The following TBC1D8B variants were observed in gnomAD, a reference collection of about 807,000 sequenced individuals.
TBC1D8B encodes RP11-321G1.1.
A neutral mutation model predicts 82.9 loss-of-function variants in TBC1D8B; 75 were observed. The observed-to-expected ratio is 0.90, with a 90% CI of 0.75 to 1.10. The LOEUF (loss-of-function observed/expected upper bound fraction) is 1.10. Among genes scored for constraint, TBC1D8B ranks in the 50% least tolerant of loss-of-function variants. The probability of loss-of-function intolerance (pLI) is 0.00; values close to 1 mark genes in which losing one functional copy is unlikely to be tolerated. For synonymous variants in TBC1D8B, 276 were observed against 276.8 expected, an observed-to-expected ratio of 1.00 and a Z score of 0.03; for missense variants, 794 against 796.9, an observed-to-expected ratio of 1.00 and a Z score of 0.04.
intron 8 of TBC1D8B, 126 bp from the exon 9 acceptor site, chrX:106,839,922 T>G: frequency 1.5e-6 from 1 of 654,451 alleles, no homozygotes; most frequent in Non-Finnish European, 2.2e-6. Context: ...GGGTGAATAC[T>G]GATTTTGGTT....
intron 6 of TBC1D8B, 152 bp downstream of exon 6, chrX:106,826,389 G>A: frequency 2.0e-6 from 1 of 491,670 alleles, no homozygotes; most frequent in East Asian, 3.8e-5. Context: ...TAAGAGTACA[G>A]CCTTCTGAGA....
At chrX:106,870,306 C>T (rs1341459066) in intron 19 of TBC1D8B, among the ~76,000 whole-genome samples, 2 of 112,476 alleles carry the variant, frequency 1.8e-5, no homozygotes, top group Non-Finnish European at 3.8e-5. Context: ...CCTGGGATTA[C>T]AGGCGTGAGC....
rs760895195 is a variant in TBC1D8B at position 106,808,738 on chromosome X, A to G, written c.130+5755A>G. Among the ~76,000 whole-genome samples the G allele has an allele frequency of 2.7e-5, 3 of 112,563 alleles. No individual in the cohort carries two copies. The Admixed American group carries it at 2.8e-4, about 11-fold the overall frequency. On this transcript the variant is annotated intron_variant, in intron 1 of 20. Transcript: ENST00000357242. ...CTTGCTGAGTGGTGATAAAGAGTAC[A>G]TATAACATTGGTTACCTTAGTAGTA...
chrX:106,849,220 ATTTTTTTTTT>A, intron 11 of TBC1D8B: 1 of 880,854 alleles, frequency 1.1e-6, no homozygotes, highest in South Asian at 2.7e-5. Flanking sequence ...TTATTTGTGT[ATTTTTTTTTT>A]TTTTTTTTTT....
rs142506801 is a variant in TBC1D8B, at chrX:106,839,693, G to A, written c.1353+236G>A. On this transcript the variant is annotated intron_variant, in intron 8 of 20. Coordinates refer to ENST00000357242, the MANE Select transcript of TBC1D8B (RefSeq NM_017752.3). ...GGATTTTTACAGATACATAATAGTC[G>A]TACATATTTATTGACATTGGGTTTT... Among the ~76,000 whole-genome samples, 140 of 111,743 alleles carry A rather than the reference G, an allele frequency of 1.3e-3. 1 individual carries two copies. The East Asian group carries it at 0.023, about 19-fold the overall frequency.
chrX:106,810,488 T>C (rs2147719889), intron 1 of TBC1D8B, among the ~76,000 whole-genome samples: 1 of 111,875 alleles, frequency 8.9e-6, no homozygotes, highest in African/African-American at 3.2e-5. Flanking sequence ...GAGGAAAACC[T>C]GAGATAGAGA....
chrX:106,812,011 T>C (rs960781934), intron 1 of TBC1D8B, among the ~76,000 whole-genome samples: 1 of 111,736 alleles, frequency 8.9e-6, no homozygotes, highest in Non-Finnish European at 1.9e-5. Flanking sequence ...TATATATATA[T>C]TCAGTTTTCA....
chrX:106,838,752 T>C (rs750352764), intron 7 of TBC1D8B, among the ~76,000 whole-genome samples: 33 of 111,887 alleles, frequency 2.9e-4, no homozygotes, highest in African/African-American at 9.7e-4. Context: ...GGAACAGAGT[T>C]TTTTCACCAA....
intron 5 of TBC1D8B, among the ~76,000 whole-genome samples, chrX:106,824,713 A>G (rs923003036): frequency 9.0e-5 from 10 of 111,629 alleles, no homozygotes; most frequent in African/African-American, 3.2e-4. Flanking sequence ...AAGATATAAT[A>G]AATCCATTTT....
At chrX:106,819,972 A>G (rs1931652063) in intron 2 of TBC1D8B, among the ~76,000 whole-genome samples, 1 of 110,709 alleles carries the variant, frequency 9.0e-6, no homozygotes, top group Non-Finnish European at 1.9e-5. Context: ...TCCATTAAAG[A>G]CAGTTATTAC....
chrX:106,865,464 CT>C (rs1409180199), intron 14 of TBC1D8B, 94 bp from the exon 15 acceptor site: 16 of 536,534 alleles, frequency 3.0e-5, no homozygotes, highest in Non-Finnish European at 4.0e-5. Context: ...CAAATATTTT[CT>C]TCTAGCAGAG....
At chrX:106,820,650 T>A (rs774406790) in intron 2 of TBC1D8B, among the ~76,000 whole-genome samples, 2 of 111,781 alleles carry the variant, frequency 1.8e-5, no homozygotes, top group African/African-American at 6.5e-5. Flanking sequence ...CTGGATTTAC[T>A]TTACTCCCCT....
At chrX:106,804,595 T>C (rs1931129679) in intron 1 of TBC1D8B, among the ~76,000 whole-genome samples, 1 of 111,751 alleles carries the variant, frequency 8.9e-6, no homozygotes, top group Non-Finnish European at 1.9e-5. Flanking sequence ...TGAGAATAGT[T>C]CAGGATATAT....
At position 106,873,690 on chromosome X, in the gene TBC1D8B, G is replaced by C. The variant is rs145515797; in HGVS notation, c.3088G>C (p.Gly1030Arg). 8.3e-7 allele frequency: 1 copy of C among 1,211,625 alleles called. No individual in the cohort carries two copies. Among genetic ancestry groups the C allele is most frequent in the South Asian group, 1.8e-5 (1 of 56,933 alleles). The change falls in exon 21 of 21, where the codon GGA becomes CGA. Residue 1030 changes from glycine (G) to arginine (R), a missense_variant. Coordinates refer to ENST00000357242, the MANE Select transcript of TBC1D8B (RefSeq NM_017752.3). ...TSLLLRMEEVGRKLHSPTSSA... is the reference protein window; with the variant it reads ...TSLLLRMEEVRRKLHSPTSSA... ...CCTTTTACTCAGGATGGAAGAAGTT[G>C]GAAGGAAACTACATAGCCCTACATC...
chrX:106,826,037 G>T lies in TBC1D8B; in HGVS notation c.835G>T (p.Glu279Ter). ...NPLQITKRGL[E>*]NRAHSEQFNA... ...ATTTTTTCTTTCCTACAGAGGTCTGGAAAATAGAGCCCACAGTGAGCAATT... is the reference window on the plus strand; with the variant it reads ...ATTTTTTCTTTCCTACAGAGGTCTGTAAAATAGAGCCCACAGTGAGCAATT... The change falls in exon 6 of 21, where the codon GAA (glutamate) becomes TAA (stop). Residue 279 changes from glutamate to a stop codon, truncating the protein, a stop_gained. Coordinates refer to ENST00000357242, the MANE Select transcript of TBC1D8B (RefSeq NM_017752.3). LOFTEE classifies it high-confidence loss of function. 8.3e-7 allele frequency: 1 copy of T among 1,209,261 alleles called. No individual in the cohort carries two copies. The highest frequency in any genetic ancestry group is 2.2e-5 in the Admixed American group (1 of 45,706).
At chrX:106,818,446 C>T (rs1223264470) in intron 1 of TBC1D8B, 3 of 302,802 alleles carry the variant, frequency 9.9e-6, no homozygotes, top group Non-Finnish European at 1.7e-5. Context: ...TGACTTAACT[C>T]TTTTATTGAA....
Position 106,850,300 on chromosome X carries a change from G to A in TBC1D8B, c.2113G>A (p.Ala705Thr), listed in dbSNP as rs1242023693. 2.5e-6 allele frequency: 3 copies of A among 1,194,957 alleles called. No individual in the cohort carries two copies. Among genetic ancestry groups the A allele is most frequent in the African/African-American group, 1.7e-5 (1 of 57,350 alleles). The change falls in exon 12 of 21, where the codon GCC (alanine) becomes ACC (threonine). Residue 705 changes from alanine to threonine, a missense_variant. Transcript: ENST00000357242. ...TAAAGATGATGCTGAAGCTGTGACA[G>A]CCTTAAACAGGTATTGTAAGAACCA... Reference protein sequence around the residue: ...TCKDDAEAVTALNRFFDNVTN... With the variant: ...TCKDDAEAVTTLNRFFDNVTN...
chrX:106,857,704 C>T (rs935026665), intron 14 of TBC1D8B, among the ~76,000 whole-genome samples: 9 of 111,857 alleles, frequency 8.0e-5, no homozygotes, highest in Non-Finnish European at 1.7e-4. Context: ...CTTAGGATAA[C>T]GGTCTCCAGC....
intron 10 of TBC1D8B, 127 bp from the exon 11 acceptor site, chrX:106,848,059 T>C (rs1446240058): frequency 1.0e-5 from 4 of 386,652 alleles, no homozygotes; most frequent in Admixed American, 9.8e-5. Flanking sequence ...TTCTCATGTT[T>C]CCACTGTTAT....
Sources: allele counts gnomAD v4.1 joint callset (sites outside exome capture counted in the v4.1 genomes callset), GRCh38; gene constraint gnomAD v4.1.1; transcripts MANE v1.5; gene names NCBI Gene and HGNC (gene_info 2026-07-23, HGNC 2026-07-21).